PPP2R1A: variants seen among roughly 807,000 people sequenced by gnomAD.
PPP2R1A encodes the protein protein phosphatase 2 scaffold subunit Aalpha, also known as serine/threonine-protein phosphatase 2A 65 kDa regulatory subunit A alpha isoform.
PPP2R1A carries 15 observed loss-of-function variants against 67.1 expected under a neutral mutation model. The observed-to-expected ratio is 0.22, with a 90% CI of 0.15 to 0.34. PPP2R1A has a LOEUF of 0.34. PPP2R1A is among the 10% of genes least tolerant of loss of function. The pLI is 1.00. For missense variants in PPP2R1A, 369 were observed against 775.0 expected (o/e 0.48, Z 6.22); for synonymous variants, 337 against 325.0 (o/e 1.04, Z -0.40).
At position 52,205,811 on chromosome 19, in the gene PPP2R1A, G is replaced by T. The variant is rs10422583; in HGVS notation, c.170-152G>T. The T allele has an allele frequency of 0.13, 88,680 of 671,682 alleles. 6,232 individuals carry two copies. The highest frequency in any genetic ancestry group is 0.15 in the African/African-American group (8,428 of 55,908). 41.6% of individuals were successfully genotyped at this position (671,682 alleles called of 1,614,324 possible). A position where few individuals can be genotyped will look rare whatever the true frequency, so the allele number is the denominator to read the frequency against. On this transcript the variant is annotated intron_variant, in intron 2 of 14. Transcript: ENST00000322088. ...CCAAGCCTGTACCTTAATATCTGTG[G>T]CAGCCCAGGTGGAGAGTGGGGGAGC...
In PPP2R1A at chr19:52,213,287, C is replaced by T. The variant is rs1184676333; in HGVS notation, c.807+177C>T. The stretch of plus-strand genomic sequence containing the variant: ...TCGTGTGCCAATCCTGGTTGATTGA[C>T]ATGGCATCTTAAAGTGCTGCCTTGA... On this transcript the variant is annotated intron_variant, in intron 6 of 14. Transcript: ENST00000322088. The surrounding 1 kb of genome is among the most constrained non-coding windows in gnomAD (Gnocchi z 4.2). Among the ~76,000 whole-genome samples, 1 of 152,008 alleles carries T rather than the reference C, an allele frequency of 6.6e-6. No homozygotes were observed. The highest frequency in any genetic ancestry group is 1.5e-5 in the Non-Finnish European group (1 of 68,022).
At chr19:52,199,027 T>C (rs552626234) in intron 1 of PPP2R1A, among the ~76,000 whole-genome samples, 2 of 152,354 alleles carry the variant, frequency 1.3e-5, no homozygotes, top group South Asian at 4.1e-4. Flanking sequence ...GTTGCTCACC[T>C]AGTATGGCCC....
intron 2 of PPP2R1A, among the ~76,000 whole-genome samples, chr19:52,203,298 T>TGAACAA (rs2089570171): frequency 1.3e-5 from 2 of 152,182 alleles, no homozygotes; most frequent in Admixed American, 1.3e-4. Context: ...CGTATGACAC[T>TGAACAA]GAACAAATGG....
chr19:52,204,585 A>G (rs2089583949), intron 2 of PPP2R1A, among the ~76,000 whole-genome samples: 1 of 152,168 alleles, frequency 6.6e-6, no homozygotes, highest in Non-Finnish European at 1.5e-5. Flanking sequence ...TTGCTTGGCT[A>G]TAAGGTCTAG....
At chr19:52,194,834 G>A (rs1039092276) in intron 1 of PPP2R1A, among the ~76,000 whole-genome samples, 26 of 152,186 alleles carry the variant, frequency 1.7e-4, no homozygotes, top group African/African-American at 5.6e-4. Flanking sequence ...TTGTTCTGCG[G>A]TAGTCATATG....
At chr19:52,193,971 T>C (rs998653061) in intron 1 of PPP2R1A, among the ~76,000 whole-genome samples, 1 of 148,856 alleles carries the variant, frequency 6.7e-6, no homozygotes, top group African/African-American at 2.5e-5. Flanking sequence ...AAAAATTAGC[T>C]GGTGTGATGA....
In PPP2R1A at chr19:52,216,111, C is replaced by T. The variant is rs765877751; in HGVS notation, c.993+37C>T. 16 of 1,584,380 alleles carry T rather than the reference C, an allele frequency of 1.0e-5. No individual in the cohort carries two copies. In the East Asian group the frequency reaches 1.1e-4, roughly 11 times the overall value. On this transcript the variant is annotated intron_variant, in intron 8 of 14. Coordinates refer to ENST00000322088, the MANE Select transcript of PPP2R1A (RefSeq NM_014225.6). The surrounding 1 kb of genome is among the most constrained non-coding windows in gnomAD (Gnocchi z 4.3). ...TTTGATGGGAGGAACCAAGTGGATCCGAGCCTGCCAAAAAGAGGGGCTGGA... is the reference window on the plus strand; with the variant it reads ...TTTGATGGGAGGAACCAAGTGGATCTGAGCCTGCCAAAAAGAGGGGCTGGA...
intron 2 of PPP2R1A, among the ~76,000 whole-genome samples, chr19:52,202,852 TAA>T (rs1397973729): frequency 6.6e-6 from 1 of 152,254 alleles, no homozygotes; most frequent in Non-Finnish European, 1.5e-5. Flanking sequence ...TAAGATACTG[TAA>T]AGTGCTTATA....
chr19:52,196,945 G>T (rs1269507920), intron 1 of PPP2R1A, among the ~76,000 whole-genome samples: 2 of 152,212 alleles, frequency 1.3e-5, no homozygotes, highest in Non-Finnish European at 2.9e-5. Context: ...TTATTGGCCA[G>T]ATGTTAGTTT....
Position 52,222,200 on chromosome 19 carries a change from G to A in PPP2R1A, c.1620G>A (p.Val540=), listed in dbSNP as rs1978980527. 6.2e-7 allele frequency: 1 copy of A among 1,614,138 alleles called. No homozygotes were observed. Among genetic ancestry groups the A allele is most frequent in the Middle Eastern group, 1.7e-4 (1 of 6,060 alleles). The change falls in exon 13 of 15, where the codon GTG becomes GTA. Residue 540 remains valine (V), a synonymous_variant. Transcript: ENST00000322088. ...GDPVANVRFN[V]AKSLQKIGPI... is the part of the protein sequence containing the mutation. ...CGGTTGCCAATGTCCGCTTCAATGTGGCCAAGTCTCTGCAGAAGATAGGGC... is the reference window on the plus strand; with the variant it reads ...CGGTTGCCAATGTCCGCTTCAATGTAGCCAAGTCTCTGCAGAAGATAGGGC...
chr19:52,206,886 T>G (rs1384502884), intron 3 of PPP2R1A, among the ~76,000 whole-genome samples: 1 of 151,816 alleles, frequency 6.6e-6, no homozygotes, highest in Non-Finnish European at 1.5e-5. Flanking sequence ...CCAGTGATTG[T>G]GTATTTCACT....
chr19:52,220,875 AC>A (rs1430886994), intron 11 of PPP2R1A, 103 bp from the exon 12 acceptor site: 1 of 1,369,344 alleles, frequency 7.3e-7, no homozygotes, highest in African/African-American at 1.4e-5. Flanking sequence ...GCAGCCTGGC[AC>A]CTAGGGGCTG....
Position 52,213,953 on chromosome 19 carries a change from C to T in PPP2R1A, c.807+843C>T, listed in dbSNP as rs1292233352. 1.3e-5 allele frequency among the ~76,000 whole-genome samples: 2 copies of T among 152,010 alleles called. No homozygotes were observed. The highest frequency in any genetic ancestry group is 1.9e-4 in the East Asian group (1 of 5,188). On this transcript the variant is annotated intron_variant, in intron 6 of 14. Coordinates refer to ENST00000322088, the MANE Select transcript of PPP2R1A (RefSeq NM_014225.6). The surrounding 1 kb of genome is among the most constrained non-coding windows in gnomAD (Gnocchi z 4.2). ...CAGCTATTTGCTGGGCCAGTGAATT[C>T]GGATCATTCCTGGCCTTCATGGAGC...
intron 6 of PPP2R1A, among the ~76,000 whole-genome samples, chr19:52,215,074 G>C (rs1978483044): frequency 6.6e-6 from 1 of 151,902 alleles, no homozygotes; most frequent in Non-Finnish European, 1.5e-5. Context: ...TTTTTATTTT[G>C]AGACAGGGTC....
At chr19:52,204,897 G>A (rs2089587006) in intron 2 of PPP2R1A, among the ~76,000 whole-genome samples, 1 of 152,194 alleles carries the variant, frequency 6.6e-6, no homozygotes, top group African/African-American at 2.4e-5. Flanking sequence ...GTGATTTAGG[G>A]GATGACAAAG....
chr19:52,216,186 G>A lies in PPP2R1A; in HGVS notation c.993+112G>A, dbSNP rs898583732. The A allele has an allele frequency of 8.3e-7, 1 of 1,204,488 alleles. No individual in the cohort carries two copies. Among genetic ancestry groups the A allele is most frequent in the Non-Finnish European group, 1.2e-6 (1 of 840,600 alleles). The allele number at this position is 1,204,488 out of a possible 1,614,324, so 74.6% of individuals were successfully genotyped here. A position where few individuals can be genotyped will look rare whatever the true frequency, so the allele number is the denominator to read the frequency against. ...TGCAAACTAGGTTCCCAGCCCTCTG[G>A]GACCAGGCAGCTCTTGGGTTTCAAG... On this transcript the variant is annotated intron_variant, in intron 8 of 14. Transcript: ENST00000322088. The surrounding 1 kb of genome is among the most constrained non-coding windows in gnomAD (Gnocchi z 4.3).
intron 3 of PPP2R1A, among the ~76,000 whole-genome samples, chr19:52,207,133 T>C (rs142676304): frequency 6.6e-6 from 1 of 152,354 alleles, no homozygotes; most frequent in East Asian, 1.9e-4. Flanking sequence ...TTTGTGCGTA[T>C]GGACACACAG....
At chr19:52,193,850 C>T (rs915591072) in intron 1 of PPP2R1A, among the ~76,000 whole-genome samples, 3 of 151,854 alleles carry the variant, frequency 2.0e-5, no homozygotes, top group African/African-American at 4.8e-5. Context: ...GCCACCACCC[C>T]TGGCCAATTC....
chr19:52,205,839 G>A lies in PPP2R1A; in HGVS notation c.170-124G>A, dbSNP rs144886008. ...GCCCAGGTGGAGAGTGGGGGAGCAA[G>A]TGGGCGGATGGAAGAACTGAGTGCT... is the stretch of plus-strand genomic sequence containing the variant. On this transcript the variant is annotated intron_variant, in intron 2 of 14. Transcript: ENST00000322088. The A allele has an allele frequency of 2.5e-4, 192 of 783,668 alleles. 1 individual carries two copies. Among genetic ancestry groups the A allele is most frequent in the African/African-American group, 2.4e-3 (140 of 58,524 alleles). The allele number at this position is 783,668 out of a possible 1,614,324, so 48.5% of individuals were successfully genotyped here. A position where few individuals can be genotyped will look rare whatever the true frequency, so the allele number is the denominator to read the frequency against.
Sources: allele counts gnomAD v4.1 joint callset (sites outside exome capture counted in the v4.1 genomes callset), GRCh38; gene constraint gnomAD v4.1.1; non-coding constraint Gnocchi (gnomAD v3.1); transcripts MANE v1.5; gene names NCBI Gene and HGNC (gene_info 2026-07-23, HGNC 2026-07-21).